RBMS1: variants seen among roughly 807,000 people sequenced by gnomAD.
RBMS1 encodes RNA-binding motif, single-stranded-interacting protein 1.
In RBMS1, 17 loss-of-function variants were observed where a neutral mutation model predicts 62.3. That is an observed-to-expected ratio of 0.27 (90% CI 0.19 to 0.41). The LOEUF is 0.41. Ranked by LOEUF, RBMS1 falls within the 10% of genes least tolerant of loss-of-function variation. The pLI is 1.00. For synonymous variants in RBMS1, 172 were observed against 170.0 expected (o/e 1.01, Z -0.09); for missense variants, 334 against 504.5 (o/e 0.66, Z 3.24).
chr2:160,433,571 G>T (rs1471765700), intron 1 of RBMS1, among the ~76,000 whole-genome samples: 1 of 152,196 alleles, frequency 6.6e-6, no homozygotes, highest in African/African-American at 2.4e-5. Context: ...CAAACATTAA[G>T]TGACACTGAG....
At chr2:160,377,485 A>C (rs1439971606) in intron 1 of RBMS1, among the ~76,000 whole-genome samples, 3 of 152,218 alleles carry the variant, frequency 2.0e-5, no homozygotes, top group Non-Finnish European at 4.4e-5. Context: ...CTCATGCACA[A>C]GGCAGGACTC....
At chr2:160,319,265 A>G (rs1690409901) in intron 2 of RBMS1, among the ~76,000 whole-genome samples, 1 of 152,248 alleles carries the variant, frequency 6.6e-6, no homozygotes, top group South Asian at 2.1e-4. Context: ...TAATCCCAGC[A>G]CTTTGGGAGG....
At chr2:160,359,166 T>C (rs572152789) in intron 2 of RBMS1, among the ~76,000 whole-genome samples, 3 of 152,164 alleles carry the variant, frequency 2.0e-5, no homozygotes, top group South Asian at 4.1e-4. Context: ...AAGGGTAAAT[T>C]ATATCTTAAA....
At chr2:160,472,723 C>T (rs1394069393) in intron 1 of RBMS1, among the ~76,000 whole-genome samples, 1 of 152,108 alleles carries the variant, frequency 6.6e-6, no homozygotes. Context: ...TGCTTAAGCT[C>T]AGTTGCAAAC....
chr2:160,356,753 A>G (rs1692823384), intron 2 of RBMS1, among the ~76,000 whole-genome samples: 1 of 152,128 alleles, frequency 6.6e-6, no homozygotes, highest in Non-Finnish European at 1.5e-5. Flanking sequence ...TTTATAAATT[A>G]CCTAATTTGT....
At chr2:160,456,874 A>T (rs1004693334) in intron 1 of RBMS1, among the ~76,000 whole-genome samples, 36 of 151,858 alleles carry the variant, frequency 2.4e-4, no homozygotes, top group Non-Finnish European at 1.5e-5. Flanking sequence ...CACAAAGTCT[A>T]CTTTGACCTG....
intron 1 of RBMS1, among the ~76,000 whole-genome samples, chr2:160,471,716 T>TATATATATATAA (rs371634389): frequency 0.014 from 1,052 of 76,216 alleles, 69 homozygotes; most frequent in East Asian, 0.043. Context: ...TATATATATA[T>TATATATATATAA]AACCTTTCAT....
chr2:160,439,359 G>C (rs1185280122), intron 1 of RBMS1, among the ~76,000 whole-genome samples: 1 of 150,140 alleles, frequency 6.7e-6, no homozygotes, highest in Non-Finnish European at 1.5e-5. Flanking sequence ...CCAGGCAGAG[G>C]GTCTCCTCAC....
intron 9 of RBMS1, chr2:160,282,289 T>C: frequency 7.3e-7 from 1 of 1,367,942 alleles, no homozygotes; most frequent in Non-Finnish European, 9.8e-7. Flanking sequence ...TTGTTTTCTC[T>C]GGTTTCCTTT....
chr2:160,340,036 G>A (rs528185887), intron 2 of RBMS1, among the ~76,000 whole-genome samples: 3 of 152,092 alleles, frequency 2.0e-5, no homozygotes, highest in Non-Finnish European at 4.4e-5. Context: ...ATTAATTTCA[G>A]TATTAGCCAA....
At chr2:160,449,362 G>A (rs1039650772) in intron 1 of RBMS1, among the ~76,000 whole-genome samples, 10 of 152,252 alleles carry the variant, frequency 6.6e-5, no homozygotes, top group Admixed American at 3.3e-4. Context: ...CCATGATGAC[G>A]ATGGCGTTTT....
chr2:160,352,495 A>G (rs191090689), intron 2 of RBMS1, among the ~76,000 whole-genome samples: 1 of 152,282 alleles, frequency 6.6e-6, no homozygotes, highest in African/African-American at 2.4e-5. Context: ...ATAATAGGAA[A>G]TGCAGGCAAA....
chr2:160,304,585 G>A (rs1392420382), intron 4 of RBMS1, among the ~76,000 whole-genome samples: 2 of 152,098 alleles, frequency 1.3e-5, no homozygotes, highest in Non-Finnish European at 2.9e-5. Flanking sequence ...CTATCACCTG[G>A]TAATGTCTTG....
intron 2 of RBMS1, among the ~76,000 whole-genome samples, chr2:160,363,633 C>A (rs1424142061): frequency 1.3e-5 from 2 of 152,014 alleles, no homozygotes; most frequent in South Asian, 2.1e-4. Flanking sequence ...GACAAAGGGA[C>A]AAAGAGAAGG....
intron 2 of RBMS1, among the ~76,000 whole-genome samples, chr2:160,341,609 TA>T (rs1691878142): frequency 6.6e-6 from 1 of 151,948 alleles, no homozygotes; most frequent in South Asian, 2.1e-4. Context: ...CACAAGAAAA[TA>T]AATCTTAATT....
chr2:160,404,274 T>G (rs1695581214), intron 1 of RBMS1, among the ~76,000 whole-genome samples: 1 of 152,112 alleles, frequency 6.6e-6, no homozygotes, highest in Non-Finnish European at 1.5e-5. Flanking sequence ...ATCCTGTTGA[T>G]CCCAGATGAT....
At chr2:160,449,379 A>C (rs1683858700) in intron 1 of RBMS1, among the ~76,000 whole-genome samples, 1 of 152,268 alleles carries the variant, frequency 6.6e-6, no homozygotes, top group Non-Finnish European at 1.5e-5. Context: ...TTTTTGTCGA[A>C]TAGAAAAGGG....
intron 1 of RBMS1, among the ~76,000 whole-genome samples, chr2:160,457,618 C>T (rs189414410): frequency 4.3e-4 from 65 of 152,242 alleles, no homozygotes; most frequent in African/African-American, 1.5e-3. Context: ...TGCTGTATGG[C>T]AAGTATTGGA....
At chr2:160,311,698 C>A (rs1689932693) in intron 4 of RBMS1, among the ~76,000 whole-genome samples, 1 of 148,414 alleles carries the variant, frequency 6.7e-6, no homozygotes, top group South Asian at 2.2e-4. Flanking sequence ...TTACTTTCCT[C>A]TTTACTTGAA....
Sources: gnomAD v4.1 joint callset for allele counts (sites outside exome capture counted in the v4.1 genomes callset) on GRCh38, gnomAD v4.1.1 for gene constraint, MANE v1.5 for transcripts, NCBI Gene and HGNC (gene_info 2026-07-23, HGNC 2026-07-21) for gene names.